Variants in POFUT2 observed in about 807,000 individuals in gnomAD.
POFUT2 encodes the protein protein O-fucosyltransferase 2.
In POFUT2, 30 loss-of-function variants were observed where a neutral mutation model predicts 55.0. That is an observed-to-expected ratio of 0.55 (90% confidence interval 0.41 to 0.74). POFUT2 has a LOEUF of 0.74. POFUT2 is among the 30% of genes least tolerant of loss of function. The pLI, the probability that POFUT2 is intolerant of heterozygous loss-of-function variation, is 0.00. For synonymous variants in POFUT2, 267 were observed against 231.1 expected (o/e 1.16, Z -1.41); for missense variants, 524 against 562.6 (o/e 0.93, Z 0.69).
chr21:45,282,809 A>G lies in POFUT2; in HGVS notation c.528-350T>C, dbSNP rs1033302005. The G allele has an allele frequency of 2.0e-6, 1 of 492,422 alleles. No individual in the cohort carries two copies. Among genetic ancestry groups the G allele is most frequent in the Admixed American group, 2.3e-5 (1 of 43,140 alleles). 30.5% of individuals were successfully genotyped at this position (492,422 alleles called of 1,614,324 possible). ...CGCCCTTCCCAAGAGCTCACCTGCC[A>G]TGCTTTAGAGCCAGCTGCCCTGGCA... On this transcript the variant is annotated intron_variant, in intron 3 of 8. Transcript: ENST00000349485. The surrounding 1 kb of genome is among the most constrained non-coding windows in gnomAD (Gnocchi z 4.6).
rs779664631 is a variant in POFUT2 at position 45,270,054 on chromosome 21, C to T, written c.832-35G>A. 6.7e-6 allele frequency: 10 copies of T among 1,487,414 alleles called. No individual in the cohort carries two copies. Among genetic ancestry groups the T allele is most frequent in the Admixed American group, 5.0e-5 (2 of 39,902 alleles). The allele number at this position is 1,487,414 out of a possible 1,614,324, so 92.1% of individuals were successfully genotyped here. On this transcript the variant is annotated intron_variant, in intron 6 of 8. Coordinates refer to ENST00000349485, the MANE Select transcript of POFUT2 (RefSeq NM_133635.6). This position sits in a 1 kb window ranked among gnomAD's most constrained non-coding sequence, Gnocchi z 4.6. ...AACCACAAGGAAATGCAGAAGCTGA[C>T]AGGCGGGCTCGGGGCTCATCCTGGG...
chr21:45,271,510 G>C (rs1459246869), intron 6 of POFUT2, among the ~76,000 whole-genome samples: 1 of 152,182 alleles, frequency 6.6e-6, no homozygotes, highest in Non-Finnish European at 1.5e-5. Context: ...ACCTGGTCTT[G>C]CTAGAGATCT....
rs574078227 is a variant in POFUT2, at chr21:45,284,265, A to C, written c.383-738T>G. Among the ~76,000 whole-genome samples, 9 of 151,734 alleles carry C rather than the reference A, an allele frequency of 5.9e-5. No homozygotes were observed. In the East Asian group the frequency reaches 1.6e-3, roughly 26 times the overall value. On this transcript the variant is annotated intron_variant, in intron 2 of 8. Transcript: ENST00000349485. This position sits in a 1 kb window ranked among gnomAD's most constrained non-coding sequence, Gnocchi z 5.8. Reference sequence around the variant, plus strand: ...GAACAAAGCGGGAGGGAGCATCGCGAAGGTGAAGTTCTGGTATCCTTTTTG... The same window carrying C: ...GAACAAAGCGGGAGGGAGCATCGCGCAGGTGAAGTTCTGGTATCCTTTTTG...
At position 45,267,194 on chromosome 21, in the gene POFUT2, G is replaced by C; in HGVS notation, c.1136+396C>G. 1 of 1,364,768 alleles carries C rather than the reference G, an allele frequency of 7.3e-7. No individual in the cohort carries two copies. Among genetic ancestry groups the C allele is most frequent in the East Asian group, 2.9e-5 (1 of 34,218 alleles). The allele number at this position is 1,364,768 out of a possible 1,614,324, so 84.5% of individuals were successfully genotyped here. A position where few individuals can be genotyped will look rare whatever the true frequency, so the allele number is the denominator to read the frequency against. On this transcript the variant is annotated intron_variant, in intron 8 of 8. Transcript: ENST00000349485. The surrounding 1 kb of genome is among the most constrained non-coding windows in gnomAD (Gnocchi z 4.4). The stretch of plus-strand genomic sequence containing the variant: ...CACGAGGGCCCACGCTCCCGGCCTC[G>C]GGGACGCTCACGGATGCTCAACAAC...
chr21:45,287,859 T>C lies in POFUT2; in HGVS notation c.13A>G (p.Ser5Gly). 1 of 1,402,258 alleles carries C rather than the reference T, an allele frequency of 7.1e-7. No homozygotes were observed. The allele number at this position is 1,402,258 out of a possible 1,614,324, so 86.9% of individuals were successfully genotyped here. ...GCCCCCAGCAGCAGGAAGACGAAGC[T>C]GAGTGTCGCCATGGCCCCGGGCGGC... MATL[S>G]FVFLLLGAVS... The change falls in exon 1 of 9, where the codon AGC becomes GGC. Residue 5 changes from serine to glycine, a missense_variant. Ser to Gly is a moderately conservative substitution (Grantham distance 56). This residue lies in a region of POFUT2 where 274 missense variants were observed against 244.4 expected (regional missense o/e 1.12). Transcript: ENST00000349485.
chr21:45,266,378 CAG>C (rs1395107255), intron 8 of POFUT2: 6 of 1,256,186 alleles, frequency 4.8e-6, no homozygotes, highest in African/African-American at 1.5e-5. Context: ...ACCCCACACA[CAG>C]GGGCCTGCCA....
In POFUT2 at chr21:45,267,714, C is replaced by T. The variant is rs1392159311; in HGVS notation, c.1013-1G>A. The T allele has an allele frequency of 9.3e-6, 15 of 1,613,848 alleles. No homozygotes were observed. Among genetic ancestry groups the T allele is most frequent in the Non-Finnish European group, 1.2e-5 (14 of 1,179,806 alleles). On this transcript the variant is annotated splice_acceptor_variant, in intron 7 of 8. Coordinates refer to ENST00000349485, the MANE Select transcript of POFUT2 (RefSeq NM_133635.6). LOFTEE classifies it high-confidence loss of function. The surrounding 1 kb of genome is among the most constrained non-coding windows in gnomAD (Gnocchi z 4.4). ...AACAGCTTTTTTAGCTCTTCATATT[C>T]TGCAAAGTAGAAGGAGAGACCCTTT... is the stretch of plus-strand genomic sequence containing the variant.
rs1002279915 is a variant in POFUT2, at chr21:45,285,819, G to A, written c.241C>T (p.Leu81Phe). 1 of 1,613,576 alleles carries A rather than the reference G, an allele frequency of 6.2e-7. No individual in the cohort carries two copies. Among genetic ancestry groups the A allele is most frequent in the Non-Finnish European group, 8.5e-7 (1 of 1,180,008 alleles). The change falls in exon 2 of 9, where the codon CTT becomes TTT. Residue 81 changes from leucine (L) to phenylalanine (F), a missense_variant. Physicochemically the swap from Leu to Phe is conservative, Grantham distance 22. Transcript: ENST00000349485. This position sits in a 1 kb window ranked among gnomAD's most constrained non-coding sequence, Gnocchi z 4.9. ...KTLLKTEEWV[L>F]VLPPWGRLYH... ...AGGCGGCCCCATGGAGGCAGGACAAGCACCCACTCCTCCGTCTTCAGCAGA... is the reference window on the plus strand; with the variant it reads ...AGGCGGCCCCATGGAGGCAGGACAAACACCCACTCCTCCGTCTTCAGCAGA...
chr21:45,265,315 A>T lies in POFUT2; in HGVS notation c.*167T>A. Reference sequence around the variant, plus strand: ...GCCATGGCGGCTGGCAACGCCGAGGACGGAGCCCAGCTCTAGAGGCGTGGG... The same window carrying T: ...GCCATGGCGGCTGGCAACGCCGAGGTCGGAGCCCAGCTCTAGAGGCGTGGG... On this transcript the variant is annotated 3_prime_UTR_variant, in exon 9 of 9. Transcript: ENST00000349485. This position sits in a 1 kb window ranked among gnomAD's most constrained non-coding sequence, Gnocchi z 4.6. 1 of 494,320 alleles carries T rather than the reference A, an allele frequency of 2.0e-6. No homozygotes were observed. The highest frequency in any genetic ancestry group is 3.4e-6 in the Non-Finnish European group (1 of 291,780). 30.6% of individuals were successfully genotyped at this position (494,320 alleles called of 1,614,324 possible).
In POFUT2 at chr21:45,269,936, A is replaced by G; in HGVS notation, c.915T>C (p.Asp305=). ...TCACGGCCCCTTCCAGACTGGGTAC[A>G]TCCTGTCTGTGACCCCAGATGAAAT... The part of the protein sequence containing the change: ...RKDFIWGHRQ[D]VPSLEGAVRK... The change falls in exon 7 of 9, where the codon GAT becomes GAC. Residue 305 remains aspartate (D), a synonymous_variant. Transcript: ENST00000349485. 6.2e-7 allele frequency: 1 copy of G among 1,606,380 alleles called. No homozygotes were observed. Among genetic ancestry groups the G allele is most frequent in the Non-Finnish European group, 8.5e-7 (1 of 1,177,572 alleles).
At chr21:45,272,538 T>C (rs1343173675) in intron 6 of POFUT2, among the ~76,000 whole-genome samples, 7 of 152,136 alleles carry the variant, frequency 4.6e-5, no homozygotes, top group Admixed American at 3.3e-4. Flanking sequence ...ACTCAAACTA[T>C]ACCCTGGAAC....
chr21:45,274,124 A>G (rs754316616), intron 6 of POFUT2, among the ~76,000 whole-genome samples: 1 of 152,224 alleles, frequency 6.6e-6, no homozygotes, highest in Non-Finnish European at 1.5e-5. Context: ...AAGTTTCAGG[A>G]CACAAAATCA....
At chr21:45,268,426 GTC>G (rs945855046) in intron 7 of POFUT2, among the ~76,000 whole-genome samples, 3 of 151,476 alleles carry the variant, frequency 2.0e-5, no homozygotes, top group African/African-American at 7.3e-5. Context: ...AGTGAGGAGT[GTC>G]TCTGCCTGGC....
In POFUT2 at chr21:45,267,613, G is replaced by A. The variant is rs753960269; in HGVS notation, c.1113C>T (p.Asp371=). The change falls in exon 8 of 9, where the codon GAC becomes GAT. Residue 371 remains aspartate, a synonymous_variant. Coordinates refer to ENST00000349485, the MANE Select transcript of POFUT2 (RefSeq NM_133635.6). This position sits in a 1 kb window ranked among gnomAD's most constrained non-coding sequence, Gnocchi z 4.4. The part of the protein sequence containing the change: ...LYKDGGVAII[D]QWICAHARFF... ...ACCTGGCGTGTGCGCAGATCCACTG[G>A]TCAATAATCGCAACGCCTCCGTCCT... 31 of 1,614,074 alleles carry A rather than the reference G, an allele frequency of 1.9e-5. No homozygotes were observed. The highest frequency in any genetic ancestry group is 1.1e-5 in the Non-Finnish European group (13 of 1,180,060).
chr21:45,277,967 G>A lies in POFUT2; in HGVS notation c.705+136C>T. 1 of 817,134 alleles carries A rather than the reference G, an allele frequency of 1.2e-6. No individual in the cohort carries two copies. Among genetic ancestry groups the A allele is most frequent in the East Asian group, 2.5e-5 (1 of 40,774 alleles). The allele number at this position is 817,134 out of a possible 1,614,324, so 50.6% of individuals were successfully genotyped here. A position where few individuals can be genotyped will look rare whatever the true frequency, so the allele number is the denominator to read the frequency against. Reference sequence around the variant, plus strand: ...TGGGGGTGGCACAGTCACCGCAGTTGCCCAAATCCATGGCTTAAAATGATG... The same window carrying A: ...TGGGGGTGGCACAGTCACCGCAGTTACCCAAATCCATGGCTTAAAATGATG... On this transcript the variant is annotated intron_variant, in intron 5 of 8. Coordinates refer to ENST00000349485, the MANE Select transcript of POFUT2 (RefSeq NM_133635.6). This position sits in a 1 kb window ranked among gnomAD's most constrained non-coding sequence, Gnocchi z 6.9.
intron 2 of POFUT2, among the ~76,000 whole-genome samples, chr21:45,283,753 C>T (rs964916316): frequency 2.0e-5 from 3 of 152,148 alleles, no homozygotes; most frequent in Admixed American, 6.5e-5. Context: ...AGCTGGTACC[C>T]GATTCCCCGG....
rs781177620 is a variant in POFUT2, at chr21:45,282,276, A to T, written c.638+73T>A. On this transcript the variant is annotated intron_variant, in intron 4 of 8. Coordinates refer to ENST00000349485, the MANE Select transcript of POFUT2 (RefSeq NM_133635.6). This position sits in a 1 kb window ranked among gnomAD's most constrained non-coding sequence, Gnocchi z 4.6. ...CAGGGATGCGGGAGTATGGGCGGAGAGCCCCCAGCCCAGCATGCACGGAGC... is the reference window on the plus strand; with the variant it reads ...CAGGGATGCGGGAGTATGGGCGGAGTGCCCCCAGCCCAGCATGCACGGAGC... The T allele has an allele frequency of 9.8e-5, 94 of 960,160 alleles. No homozygotes were observed. Among genetic ancestry groups the T allele is most frequent in the Non-Finnish European group, 1.4e-4 (87 of 604,960 alleles). 59.5% of individuals were successfully genotyped at this position (960,160 alleles called of 1,614,324 possible).
At position 45,277,903 on chromosome 21, in the gene POFUT2, CG is replaced by C; in HGVS notation, c.705+199del. 3.2e-6 allele frequency: 2 copies of C among 616,318 alleles called. No homozygotes were observed. The highest frequency in any genetic ancestry group is 3.7e-5 in the African/African-American group (2 of 54,380). The allele number at this position is 616,318 out of a possible 1,614,324, so 38.2% of individuals were successfully genotyped here. A position where few individuals can be genotyped will look rare whatever the true frequency, so the allele number is the denominator to read the frequency against. On this transcript the variant is annotated intron_variant, in intron 5 of 8. Transcript: ENST00000349485. The surrounding 1 kb of genome is among the most constrained non-coding windows in gnomAD (Gnocchi z 6.9). The stretch of plus-strand genomic sequence containing the variant: ...CAGAGGGGAGAGCTGGGTGGCCCTG[CG>C]GGCTCCCGAGGACCTGGCTCTGCAG...
Position 45,280,424 on chromosome 21 carries a change from G to A in POFUT2, c.638+1925C>T, listed in dbSNP as rs140041528. Among the ~76,000 whole-genome samples, 110 of 152,274 alleles carry A rather than the reference G, an allele frequency of 7.2e-4. No individual in the cohort carries two copies. In the East Asian group the frequency reaches 0.018, roughly 25 times the overall value. On this transcript the variant is annotated intron_variant, in intron 4 of 8. Coordinates refer to ENST00000349485, the MANE Select transcript of POFUT2 (RefSeq NM_133635.6). The stretch of plus-strand genomic sequence containing the variant: ...AGGGGTGCACGTGTTTTCCTGGTCC[G>A]GGGAGGCTATGAACGTTCCTGGGCA...
Sources: allele counts gnomAD v4.1 joint callset (sites outside exome capture counted in the v4.1 genomes callset), GRCh38; gene constraint gnomAD v4.1.1; regional missense constraint gnomAD v4.1.1; non-coding constraint Gnocchi (gnomAD v3.1); transcripts MANE v1.5; gene names NCBI Gene and HGNC (gene_info 2026-07-23, HGNC 2026-07-21).